DNAH5: variants seen among roughly 807,000 people sequenced by gnomAD.
DNAH5 encodes axonemal beta dynein heavy chain 5.
In DNAH5, 372 loss-of-function variants were observed where a neutral mutation model predicts 518.2. The observed-to-expected ratio is 0.72, with a 90% CI of 0.66 to 0.78. The LOEUF is 0.78. Ranked by LOEUF, DNAH5 falls within the 30% of genes least tolerant of loss-of-function variation. The pLI is 0.00. For synonymous variants in DNAH5, 2,039 were observed against 2,025.9 expected (o/e 1.01, Z -0.17); for missense variants, 5,523 against 5,687.0 (o/e 0.97, Z 0.93).
intron 39 of DNAH5, among the ~76,000 whole-genome samples, chr5:13,823,797 T>G (rs1197359979): frequency 6.6e-6 from 1 of 152,220 alleles, no homozygotes; most frequent in African/African-American, 2.4e-5. Flanking sequence ...GATCCACGGA[T>G]AGTGGGCATT....
chr5:13,923,561 G>T, intron 3 of DNAH5, 121 bp from the exon 4 acceptor site: 1 of 1,056,804 alleles, frequency 9.5e-7, no homozygotes. Context: ...GCCTTAGATG[G>T]GTCCACCTCT....
At chr5:14,002,630 TAC>T (rs1784440115) in intron 1 of DNAH5, among the ~76,000 whole-genome samples, 1 of 78,718 alleles carries the variant, frequency 1.3e-5, no homozygotes, top group South Asian at 5.4e-4. Context: ...ATTTTCAAAA[TAC>T]ACAGATACAT....
intron 31 of DNAH5, among the ~76,000 whole-genome samples, chr5:13,845,768 A>AT (rs889887177): frequency 1.1e-3 from 53 of 47,306 alleles, no homozygotes; most frequent in Non-Finnish European, 1.7e-3. Context: ...TTTAATTTTT[A>AT]TTTTTTTTAA....
intron 1 of DNAH5, among the ~76,000 whole-genome samples, chr5:13,957,580 A>C (rs1780846083): frequency 6.6e-6 from 1 of 151,780 alleles, no homozygotes; most frequent in Non-Finnish European, 1.5e-5. Context: ...AAATAATTAT[A>C]AATAATAAAA....
chr5:13,850,870 A>G (rs1766741568), intron 30 of DNAH5, 55 bp from the exon 31 acceptor site: 5 of 1,570,034 alleles, frequency 3.2e-6, no homozygotes, highest in Non-Finnish European at 4.4e-6. Flanking sequence ...TGTGATCCCA[A>G]AGACAGTATC....
At chr5:13,730,305 T>C (rs1001704983) in intron 68 of DNAH5, among the ~76,000 whole-genome samples, 5 of 152,218 alleles carry the variant, frequency 3.3e-5, no homozygotes, top group African/African-American at 1.2e-4. Context: ...ACTGAATGTG[T>C]GAGCAATCGT....
intron 75 of DNAH5, among the ~76,000 whole-genome samples, chr5:13,709,570 G>A (rs761626971): frequency 1.6e-4 from 25 of 152,280 alleles, no homozygotes; most frequent in Middle Eastern, 3.4e-3. Flanking sequence ...GCTTTGACTC[G>A]GATGGGCAGA....
At chr5:13,844,754 A>T (rs1765736835) in intron 32 of DNAH5, 83 bp downstream of exon 32, 12 of 1,578,250 alleles carry the variant, frequency 7.6e-6, no homozygotes, top group Non-Finnish European at 1.0e-5. Flanking sequence ...CCTTGTTATA[A>T]ACCCGTTTTC....
At position 13,844,860 on chromosome 5, in the gene DNAH5, T is replaced by C. The variant is rs372527667; in HGVS notation, c.5248A>G (p.Lys1750Glu). The change falls in exon 32 of 79, where the codon AAA becomes GAA. Residue 1750 changes from lysine to glutamate, a missense_variant. Physicochemically the swap from Lys to Glu is moderately conservative, Grantham distance 56. This residue lies in a region of DNAH5 where 5,121 missense variants were observed against 5,223.3 expected (regional missense o/e 0.98). Coordinates refer to ENST00000265104, the MANE Select transcript of DNAH5 (RefSeq NM_001369.3). Reference protein sequence around the residue: ...AHLLNVFDNIKSVKFHEKIYD... With the variant: ...AHLLNVFDNIESVKFHEKIYD... ...ACCTTTTCGTGGAACTTGACAGATTTAATGTTGTCAAACACATTCAGCAAA... is the reference window on the plus strand; with the variant it reads ...ACCTTTTCGTGGAACTTGACAGATTCAATGTTGTCAAACACATTCAGCAAA... 3 of 1,614,092 alleles carry C rather than the reference T, an allele frequency of 1.9e-6. No individual in the cohort carries two copies. Among genetic ancestry groups the C allele is most frequent in the African/African-American group, 2.7e-5 (2 of 74,940 alleles).
At chr5:14,001,043 A>G (rs1784317376) in intron 1 of DNAH5, among the ~76,000 whole-genome samples, 1 of 152,236 alleles carries the variant, frequency 6.6e-6, no homozygotes, top group Admixed American at 6.5e-5. Context: ...AACACAGAAC[A>G]GAAAACCAAA....
chr5:13,913,743 C>T lies in DNAH5; in HGVS notation c.1536G>A (p.Gln512=), dbSNP rs541266118. 3.4e-5 allele frequency: 55 copies of T among 1,613,150 alleles called. 1 individual carries two copies. The South Asian group carries it at 5.7e-4, about 17-fold the overall frequency. Reference sequence around the variant, plus strand: ...AAAATATAGCTTTAAAGTACAATACCTGGTATTTAGTGGCCATGTCTTCCA... The same window carrying T: ...AAAATATAGCTTTAAAGTACAATACTTGGTATTTAGTGGCCATGTCTTCCA... ...EGLEDMATKY[Q]GIVATIKKKE... Residue 512 remains glutamine (Q), a splice_region_variant and synonymous_variant, in exon 11 of 79, where the codon CAG becomes CAA. Transcript: ENST00000265104.
intron 28 of DNAH5, among the ~76,000 whole-genome samples, chr5:13,863,832 T>C (rs1401931379): frequency 6.6e-6 from 1 of 152,196 alleles, no homozygotes; most frequent in Non-Finnish European, 1.5e-5. Flanking sequence ...TAACATCATG[T>C]AGGCCCACTC....
chr5:13,734,853 T>C (rs1747134967), intron 68 of DNAH5, among the ~76,000 whole-genome samples: 1 of 152,224 alleles, frequency 6.6e-6, no homozygotes, highest in African/African-American at 2.4e-5. Context: ...AATTCATTTA[T>C]TATTTTATTT....
At chr5:13,923,847 C>T (rs1047805427) in intron 3 of DNAH5, among the ~76,000 whole-genome samples, 3 of 152,096 alleles carry the variant, frequency 2.0e-5, no homozygotes, top group Admixed American at 6.6e-5. Context: ...AGTTCGAGAC[C>T]AGCCTGGTCA....
intron 1 of DNAH5, among the ~76,000 whole-genome samples, chr5:13,985,911 G>C (rs1783022136): frequency 6.6e-6 from 1 of 152,230 alleles, no homozygotes; most frequent in Non-Finnish European, 1.5e-5. Context: ...ATTCAGTGAA[G>C]CGTCTGCTCC....
At chr5:13,736,216 ACAAT>A (rs1163379305) in intron 66 of DNAH5, among the ~76,000 whole-genome samples, 1 of 152,184 alleles carries the variant, frequency 6.6e-6, no homozygotes, top group Non-Finnish European at 1.5e-5. Context: ...GGTAGAAAAG[ACAAT>A]CAAAGAAATT....
chr5:13,815,524 C>T (rs1349508453), intron 42 of DNAH5, among the ~76,000 whole-genome samples: 7 of 152,214 alleles, frequency 4.6e-5, no homozygotes, highest in African/African-American at 1.7e-4. Context: ...ATGAAGAAAG[C>T]CCTCCCCAGA....
chr5:13,784,837 T>C (rs755493612), intron 52 of DNAH5, among the ~76,000 whole-genome samples: 7 of 152,080 alleles, frequency 4.6e-5, no homozygotes, highest in Non-Finnish European at 8.8e-5. Context: ...GTCACATAAG[T>C]TTTCAAATAA....
At position 13,785,643 on chromosome 5, in the gene DNAH5, C is replaced by T. The variant is rs138265339; in HGVS notation, c.8820+536G>A. Among the ~76,000 whole-genome samples, 82 of 152,302 alleles carry T rather than the reference C, an allele frequency of 5.4e-4. 2 individuals are homozygous for T. In the East Asian group the frequency reaches 0.015, roughly 28 times the overall value. On this transcript the variant is annotated intron_variant, in intron 52 of 78. Coordinates refer to ENST00000265104, the MANE Select transcript of DNAH5 (RefSeq NM_001369.3). The stretch of plus-strand genomic sequence containing the variant: ...TGCTTTTCATCTTGCAAAACTAAAA[C>T]TCTGTACCCATTTAACACTAACTCC...
Sources: gnomAD v4.1 joint callset for allele counts (sites outside exome capture counted in the v4.1 genomes callset) on GRCh38, gnomAD v4.1.1 for gene constraint, gnomAD v4.1.1 regional missense constraint, MANE v1.5 for transcripts, NCBI Gene and HGNC (gene_info 2026-07-23, HGNC 2026-07-21) for gene names.